CABIN1: variants seen among roughly 807,000 people sequenced by gnomAD.
CABIN1 encodes the protein calcineurin binding protein 1, also known as calcineurin-binding protein cabin-1.
Under a neutral mutation model 227.7 loss-of-function variants are expected in CABIN1, and 133 were observed. That is an observed-to-expected ratio of 0.58 (90% confidence interval 0.51 to 0.67). The LOEUF is 0.67. Ranked by LOEUF, CABIN1 falls within the 30% of genes least tolerant of loss-of-function variation. The probability of loss-of-function intolerance (pLI) is 0.00; values close to 1 mark genes in which losing one functional copy is unlikely to be tolerated. For synonymous variants in CABIN1, 1,086 were observed against 1,155.1 expected (o/e 0.94, Z 1.21); for missense variants, 2,408 against 2,852.5 (o/e 0.84, Z 3.55).
At chr22:24,101,900 C>T (rs539979905) in intron 26 of CABIN1, among the ~76,000 whole-genome samples, 4 of 152,130 alleles carry the variant, frequency 2.6e-5, no homozygotes, top group East Asian at 3.9e-4. Flanking sequence ...TGTGTAATTA[C>T]GCCCTACCAC....
chr22:24,064,512 G>GTTTTTTTTTTTTTTTTTTT (rs782268156), intron 15 of CABIN1, among the ~76,000 whole-genome samples: 2 of 106,900 alleles, frequency 1.9e-5, no homozygotes, highest in Non-Finnish European at 3.6e-5. Context: ...CAGCTGAAAG[G>GTTTTTTTTTTTTTTTTTTT]TTTTTTTTTT....
rs866747471 is a variant in CABIN1, at chr22:24,108,816, C to T, written c.4118-4750C>T. On this transcript the variant is annotated intron_variant, in intron 26 of 36. Coordinates refer to ENST00000263119, the MANE Select transcript of CABIN1 (RefSeq NM_012295.4). Reference sequence around the variant, plus strand: ...GCCTGTTGTGTCAATGTTGCCCCCCCATCTACATGGTGCTGCTTAGGTATT... The same window carrying T: ...GCCTGTTGTGTCAATGTTGCCCCCCTATCTACATGGTGCTGCTTAGGTATT... Among the ~76,000 whole-genome samples, 7 of 152,196 alleles carry T rather than the reference C, an allele frequency of 4.6e-5. No individual in the cohort carries two copies. The South Asian group carries it at 1.2e-3, about 27-fold the overall frequency.
rs745883016 is a variant in CABIN1, at chr22:24,055,044, T to C, written c.978T>C (p.Thr326=). 1.2e-5 allele frequency: 20 copies of C among 1,614,266 alleles called. No individual in the cohort carries two copies. The South Asian group carries it at 2.2e-4, about 18-fold the overall frequency. The change falls in exon 9 of 37, where the codon ACT becomes ACC. Residue 326 remains threonine, a synonymous_variant. Transcript: ENST00000263119. ...CAGTTAACGTGATCCAGCCAAGCAC[T>C]GTCAGCACCAACCCAGCTGTGGCTG... The part of the protein sequence containing the change: ...VTPVNVIQPS[T]VSTNPAVAVA...
intron 34 of CABIN1, among the ~76,000 whole-genome samples, chr22:24,174,769 G>A (rs2047013272): frequency 6.6e-6 from 1 of 152,076 alleles, no homozygotes; most frequent in Admixed American, 6.5e-5. Flanking sequence ...ATAAACAGCT[G>A]AGTGTCCCCG....
intron 29 of CABIN1, 30 bp from the exon 30 acceptor site, chr22:24,164,370 C>A (rs2046329686): frequency 6.2e-7 from 1 of 1,600,080 alleles, no homozygotes; most frequent in East Asian, 2.2e-5. Context: ...CAACCACCCC[C>A]CTCACACACC....
At chr22:24,078,203 C>G (rs2040567489) in intron 19 of CABIN1, among the ~76,000 whole-genome samples, 2 of 152,164 alleles carry the variant, frequency 1.3e-5, no homozygotes, top group African/African-American at 4.8e-5. Context: ...TGCCCCTCCC[C>G]CACCAGCTAG....
chr22:24,098,300 G>C, intron 26 of CABIN1, 108 bp downstream of exon 26: 2 of 1,589,732 alleles, frequency 1.3e-6, no homozygotes, highest in Non-Finnish European at 1.7e-6. Context: ...GGGGTGCTGG[G>C]TCTGGGGTGA....
At chr22:24,111,962 G>A (rs183923963) in intron 26 of CABIN1, among the ~76,000 whole-genome samples, 149 of 152,122 alleles carry the variant, frequency 9.8e-4, no homozygotes, top group African/African-American at 3.4e-3. Flanking sequence ...TTATCTCACT[G>A]CTGAAATTTC....
intron 33 of CABIN1, chr22:24,170,003 T>C (rs1025065136): frequency 2.5e-6 from 1 of 405,066 alleles, no homozygotes; most frequent in African/African-American, 2.1e-5. Context: ...CCCAGGTCCT[T>C]ACCTTTCAGG....
At chr22:24,045,116 G>T (rs148353342) in intron 6 of CABIN1, among the ~76,000 whole-genome samples, 65 of 152,274 alleles carry the variant, frequency 4.3e-4, no homozygotes, top group African/African-American at 1.5e-3. Context: ...AGTAGAGACA[G>T]GGTTTCACCG....
chr22:24,106,452 C>T (rs540318294), intron 26 of CABIN1, among the ~76,000 whole-genome samples: 4 of 152,320 alleles, frequency 2.6e-5, no homozygotes, highest in African/African-American at 4.8e-5. Flanking sequence ...CACCACAGTC[C>T]AAACAACCCT....
intron 18 of CABIN1, among the ~76,000 whole-genome samples, 185 bp downstream of exon 18, chr22:24,072,695 C>T (rs935437103): frequency 1.3e-5 from 2 of 152,238 alleles, no homozygotes; most frequent in Non-Finnish European, 2.9e-5. Flanking sequence ...AGGGAGCTTA[C>T]TGTGCAGTGG....
At chr22:24,148,755 G>T (rs897594685) in intron 29 of CABIN1, among the ~76,000 whole-genome samples, 1 of 152,206 alleles carries the variant, frequency 6.6e-6, no homozygotes, top group African/African-American at 2.4e-5. Context: ...TCCAGCAGAG[G>T]CAGGAAGGGC....
chr22:24,144,173 C>T (rs1439989264), intron 29 of CABIN1, among the ~76,000 whole-genome samples: 2 of 152,240 alleles, frequency 1.3e-5, no homozygotes, highest in East Asian at 1.9e-4. Flanking sequence ...TGTCTGAATC[C>T]AAGGCCTGCA....
In CABIN1 at chr22:24,083,231, C is replaced by T. The variant is rs1428482660; in HGVS notation, c.2752C>T (p.Arg918Ter). 1.4e-5 allele frequency: 23 copies of T among 1,612,214 alleles called. No individual in the cohort carries two copies. Among genetic ancestry groups the T allele is most frequent in the Non-Finnish European group, 1.9e-5 (22 of 1,179,982 alleles). Residue 918 changes from arginine to a stop codon, truncating the protein, a stop_gained, in exon 20 of 37, where the codon CGA becomes TGA. Transcript: ENST00000263119. LOFTEE classifies it high-confidence loss of function. ...CCATCTCTTCTGCCCACCACAGGTG[C>T]GAGTACTCCAGAAGGAACTGGCTGC... ...SDGALLRFYV[R>*]VLQKELAAST...
In CABIN1 at chr22:24,165,905, G is replaced by A. The variant is rs146522814; in HGVS notation, c.5007+279G>A. 7.1e-3 allele frequency among the ~76,000 whole-genome samples: 1,084 copies of A among 152,322 alleles called. 13 individuals are homozygous for A. Among genetic ancestry groups the A allele is most frequent in the African/African-American group, 0.025 (1,043 of 41,572 alleles). On this transcript the variant is annotated intron_variant, in intron 31 of 36. Coordinates refer to ENST00000263119, the MANE Select transcript of CABIN1 (RefSeq NM_012295.4). ...CTCCCCAAGGGCTGCACCACCCAGG[G>A]CGGGGTCCCAAGCCCTCTCCCTGGC...
chr22:24,062,326 T>G (rs2039251485), intron 13 of CABIN1, among the ~76,000 whole-genome samples: 1 of 151,386 alleles, frequency 6.6e-6, no homozygotes, highest in Non-Finnish European at 1.5e-5. Context: ...GTAGCTTCAG[T>G]AATTTTTCTG....
intron 29 of CABIN1, among the ~76,000 whole-genome samples, chr22:24,145,044 A>T (rs2045017941): frequency 6.6e-6 from 1 of 152,254 alleles, no homozygotes; most frequent in African/African-American, 2.4e-5. Flanking sequence ...GCTTCTGAGC[A>T]GAAGATGCAG....
chr22:24,017,493 C>G (rs1285928340), intron 1 of CABIN1, among the ~76,000 whole-genome samples: 1 of 152,172 alleles, frequency 6.6e-6, no homozygotes, highest in Non-Finnish European at 1.5e-5. Flanking sequence ...CCATTCTTCC[C>G]TCCCCTAGCC....
Sources: allele counts gnomAD v4.1 joint callset (sites outside exome capture counted in the v4.1 genomes callset), GRCh38; gene constraint gnomAD v4.1.1; transcripts MANE v1.5; gene names NCBI Gene and HGNC (gene_info 2026-07-23, HGNC 2026-07-21).